SFMBT2: variants seen among roughly 807,000 people sequenced by gnomAD.
SFMBT2 encodes the protein Scm like with four mbt domains 2, also known as scm-like with four MBT domains protein 2.
A neutral mutation model predicts 110.1 loss-of-function variants in SFMBT2; 38 were observed. The observed-to-expected ratio is 0.35, with a 90% CI of 0.27 to 0.45. The LOEUF (loss-of-function observed/expected upper bound fraction) is 0.45. Ranked by LOEUF, SFMBT2 falls within the 20% of genes least tolerant of loss-of-function variation. The pLI, the probability that SFMBT2 is intolerant of heterozygous loss-of-function variation, is 1.00. For missense variants in SFMBT2, 1,011 were observed against 1,094.9 expected, an observed-to-expected ratio of 0.92 and a Z score of 1.08; for synonymous variants, 425 against 425.4, an observed-to-expected ratio of 1.00 and a Z score of 0.01.
chr10:7,333,799 C>T (rs1843635196), intron 4 of SFMBT2, among the ~76,000 whole-genome samples: 1 of 151,780 alleles, frequency 6.6e-6, no homozygotes, highest in African/African-American at 2.4e-5. Flanking sequence ...TTTCTCTCTC[C>T]CCCACTCCCG....
chr10:7,197,707 A>T lies in SFMBT2; in HGVS notation c.1559-20T>A, dbSNP rs1441148483. 1 of 1,612,228 alleles carries T rather than the reference A, an allele frequency of 6.2e-7. No homozygotes were observed. Among genetic ancestry groups the T allele is most frequent in the Non-Finnish European group, 8.5e-7 (1 of 1,179,334 alleles). The stretch of plus-strand genomic sequence containing the variant: ...CGGTTCCTGCAGGGGACAGCAACAT[A>T]GTCCATGCTTAGGACCACAGCCCCA... On this transcript the variant is annotated intron_variant, in intron 14 of 20. Transcript: ENST00000397167.
chr10:7,316,990 C>A (rs146553486), intron 4 of SFMBT2, among the ~76,000 whole-genome samples: 4 of 152,304 alleles, frequency 2.6e-5, no homozygotes, highest in Non-Finnish European at 5.9e-5. Context: ...AATGTGATAT[C>A]TAGTGTGTGG....
chr10:7,397,101 CA>C (rs1177680934), intron 1 of SFMBT2, among the ~76,000 whole-genome samples: 1 of 152,120 alleles, frequency 6.6e-6, no homozygotes, highest in Non-Finnish European at 1.5e-5. Flanking sequence ...TGGAATCATC[CA>C]AACTCAAGTG....
intron 9 of SFMBT2, among the ~76,000 whole-genome samples, chr10:7,239,769 C>T (rs1282729904): frequency 6.6e-6 from 1 of 152,152 alleles, no homozygotes; most frequent in African/African-American, 2.4e-5. Flanking sequence ...CCCCCAAACT[C>T]TCTAGAATTA....
chr10:7,257,287 C>T (rs530917126), intron 7 of SFMBT2, among the ~76,000 whole-genome samples: 30 of 152,162 alleles, frequency 2.0e-4, no homozygotes, highest in Non-Finnish European at 4.0e-4. Flanking sequence ...GATCCCACAA[C>T]GTCAGAGCCT....
chr10:7,208,120 T>C (rs1886284), intron 11 of SFMBT2, among the ~76,000 whole-genome samples: 2,577 of 152,246 alleles, frequency 0.017, 34 homozygotes, highest in Non-Finnish European at 0.023. Context: ...AGAAAGAATA[T>C]GTTCAAAACA....
chr10:7,227,974 T>C (rs371730029), intron 9 of SFMBT2, 37 bp from the exon 10 acceptor site: 151 of 1,508,676 alleles, frequency 1.0e-4, no homozygotes, highest in Non-Finnish European at 1.3e-4. Flanking sequence ...CAGCGCACAT[T>C]AAGCAAAATC....
At chr10:7,228,444 G>T in intron 9 of SFMBT2, 1 of 656,934 alleles carries the variant, frequency 1.5e-6, no homozygotes, top group Non-Finnish European at 1.9e-6. Context: ...AGAGAAGAGG[G>T]CAACAAAGAG....
At position 7,227,841 on chromosome 10, in the gene SFMBT2, G is replaced by T. The variant is rs927815799; in HGVS notation, c.1203+14C>A. 2 of 1,594,196 alleles carry T rather than the reference G, an allele frequency of 1.3e-6. No homozygotes were observed. Among genetic ancestry groups the T allele is most frequent in the African/African-American group, 1.4e-5 (1 of 73,886 alleles). ...TATGATTTTTAAAAATTAGGTAAGAGAGAAGCTTCTTACATTTCGGAAGCA... is the reference window on the plus strand; with the variant it reads ...TATGATTTTTAAAAATTAGGTAAGATAGAAGCTTCTTACATTTCGGAAGCA... On this transcript the variant is annotated intron_variant, in intron 10 of 20. Coordinates refer to ENST00000397167, the MANE Select transcript of SFMBT2 (RefSeq NM_001387889.1).
At chr10:7,362,549 C>A (rs1844757556) in intron 4 of SFMBT2, among the ~76,000 whole-genome samples, 1 of 152,200 alleles carries the variant, frequency 6.6e-6, no homozygotes, top group African/African-American at 2.4e-5. Context: ...AAAGTGTCCT[C>A]GAAGATCTGG....
rs574706599 is a variant in SFMBT2 at position 7,273,149 on chromosome 10, C to A, written c.870+3743G>T. Among the ~76,000 whole-genome samples, 43 of 152,340 alleles carry A rather than the reference C, an allele frequency of 2.8e-4. No individual in the cohort carries two copies. The South Asian group carries it at 8.9e-3, about 32-fold the overall frequency. ...TAGCTCACCTAAAATTCTACACCCA[C>A]ACAAACTATCAATAAAGTATATGGA... On this transcript the variant is annotated intron_variant, in intron 7 of 20. Coordinates refer to ENST00000397167, the MANE Select transcript of SFMBT2 (RefSeq NM_001387889.1).
intron 9 of SFMBT2, among the ~76,000 whole-genome samples, chr10:7,235,281 A>C (rs903311488): frequency 6.6e-6 from 1 of 152,210 alleles, no homozygotes; most frequent in Non-Finnish European, 1.5e-5. Flanking sequence ...GTAACAAATA[A>C]ATAGAGATGA....
At chr10:7,239,012 C>A (rs1452920267) in intron 9 of SFMBT2, among the ~76,000 whole-genome samples, 1 of 152,172 alleles carries the variant, frequency 6.6e-6, no homozygotes, top group East Asian at 1.9e-4. Flanking sequence ...CACAGAAAGC[C>A]ACACTGAAAA....
At position 7,171,193 on chromosome 10, in the gene SFMBT2, G is replaced by C; in HGVS notation, c.2416-137C>G. On this transcript the variant is annotated intron_variant, in intron 19 of 20. Transcript: ENST00000397167. The surrounding 1 kb of genome is among the most constrained non-coding windows in gnomAD (Gnocchi z 4.9). Reference sequence around the variant, plus strand: ...GCTCCCTCACTGGGCACCTGAAAAAGCTGCACACACTCTCAGTCCCTGAGA... The same window carrying C: ...GCTCCCTCACTGGGCACCTGAAAAACCTGCACACACTCTCAGTCCCTGAGA... The C allele has an allele frequency of 6.9e-7, 1 of 1,453,236 alleles. No homozygotes were observed. The highest frequency in any genetic ancestry group is 9.4e-7 in the Non-Finnish European group (1 of 1,067,528). 90.0% of individuals were successfully genotyped at this position (1,453,236 alleles called of 1,614,324 possible).
chr10:7,297,930 C>T (rs1320556787), intron 4 of SFMBT2, among the ~76,000 whole-genome samples: 1 of 152,220 alleles, frequency 6.6e-6, no homozygotes, highest in African/African-American at 2.4e-5. Flanking sequence ...ACCCCCACCA[C>T]CTCCACAGTG....
intron 9 of SFMBT2, among the ~76,000 whole-genome samples, chr10:7,236,513 T>A (rs1485028353): frequency 6.6e-6 from 1 of 152,148 alleles, no homozygotes; most frequent in Admixed American, 6.5e-5. Context: ...ATGACAGTGG[T>A]GGCATTATAA....
chr10:7,265,288 G>A lies in SFMBT2; in HGVS notation c.870+11604C>T, dbSNP rs1440057033. Among the ~76,000 whole-genome samples, 4 of 151,086 alleles carry A rather than the reference G, an allele frequency of 2.6e-5. No homozygotes were observed. The East Asian group carries it at 5.8e-4, about 22-fold the overall frequency. On this transcript the variant is annotated intron_variant, in intron 7 of 20. Transcript: ENST00000397167. ...ACAATCTCAGCTCACTGCAACCTCC[G>A]CCTCCCGGGTTCAAGTGATTCTCCT...
chr10:7,311,652 A>G (rs960318714), intron 4 of SFMBT2, among the ~76,000 whole-genome samples: 5 of 152,274 alleles, frequency 3.3e-5, no homozygotes, highest in African/African-American at 1.2e-4. Flanking sequence ...CATGTTGACA[A>G]AAAGAAAAAT....
At chr10:7,204,962 T>G in intron 12 of SFMBT2, 1 of 983,148 alleles carries the variant, frequency 1.0e-6, no homozygotes, top group Non-Finnish European at 1.2e-6. Flanking sequence ...ACTGCTGGGT[T>G]AACTGTTAAT....
Sources: allele counts gnomAD v4.1 joint callset (sites outside exome capture counted in the v4.1 genomes callset), GRCh38; gene constraint gnomAD v4.1.1; non-coding constraint Gnocchi (gnomAD v3.1); transcripts MANE v1.5; gene names NCBI Gene and HGNC (gene_info 2026-07-23, HGNC 2026-07-21).